The following EPHA3 variants were observed in gnomAD, a reference collection of about 807,000 sequenced individuals.
EPHA3 encodes ephrin type-A receptor 3.
EPHA3 carries 42 observed loss-of-function variants against 107.1 expected under a neutral mutation model. The observed-to-expected ratio is 0.39, with a 90% confidence interval of 0.31 to 0.51. The LOEUF (loss-of-function observed/expected upper bound fraction) is 0.51, where lower values mean the gene tolerates loss of function less well. Among genes scored for constraint, EPHA3 ranks in the 20% least tolerant of loss-of-function variants. The pLI, the probability that EPHA3 is intolerant of heterozygous loss-of-function variation, is 0.78. For missense variants in EPHA3, 1,183 were observed against 1,211.2 expected, an observed-to-expected ratio of 0.98 and a Z score of 0.35; for synonymous variants, 461 against 424.8, an observed-to-expected ratio of 1.09 and a Z score of -1.05.
At chr3:89,179,666 G>GT (rs1014748746) in intron 2 of EPHA3, among the ~76,000 whole-genome samples, 4 of 52,172 alleles carry the variant, frequency 7.7e-5, no homozygotes, top group Non-Finnish European at 1.8e-4. Context: ...TTTAAAGTCT[G>GT]TAAAAAAAAA....
intron 4 of EPHA3, 107 bp downstream of exon 4, chr3:89,341,178 C>A (rs1164097898): frequency 1.7e-6 from 2 of 1,207,574 alleles, no homozygotes; most frequent in Non-Finnish European, 2.3e-6. Flanking sequence ...CCTTCTGTTG[C>A]CCGTGTGCAA....
intron 16 of EPHA3, among the ~76,000 whole-genome samples, chr3:89,475,144 G>T (rs533813338): frequency 6.6e-5 from 10 of 152,250 alleles, no homozygotes; most frequent in Non-Finnish European, 7.4e-5. Context: ...TACAAAAAGA[G>T]AATTTATTAA....
chr3:89,171,127 G>A (rs1261537575), intron 2 of EPHA3, among the ~76,000 whole-genome samples: 9 of 151,962 alleles, frequency 5.9e-5, no homozygotes, highest in Non-Finnish European at 1.3e-4. Flanking sequence ...ATTTATCAAC[G>A]TTGTTTCAAA....
chr3:89,365,483 A>G (rs1260037103), intron 5 of EPHA3, among the ~76,000 whole-genome samples: 1 of 150,698 alleles, frequency 6.6e-6, no homozygotes, highest in African/African-American at 2.4e-5. Flanking sequence ...GATACAACAT[A>G]GCTTTTCACC....
rs745973705 is a variant in EPHA3 at position 89,408,096 on chromosome 3, C to T, written c.1727C>T (p.Ala576Val). 2 of 1,612,812 alleles carry T rather than the reference C, an allele frequency of 1.2e-6. No homozygotes were observed. The highest frequency in any genetic ancestry group is 1.7e-6 in the Non-Finnish European group (2 of 1,179,108). The change falls in exon 9 of 17, where the codon GCA becomes GTA. Residue 576 changes from alanine (A) to valine (V), a missense_variant. Ala to Val is a moderately conservative substitution (Grantham distance 64, BLOSUM62 0). Transcript: ENST00000336596. ...TGTGGCTATAAGTCAAAACATGGGG[C>T]AGATGAAAAAAGACTTCATTTTGGC... Reference protein sequence around the residue: ...RFCGYKSKHGADEKRLHFGNG... With the variant: ...RFCGYKSKHGVDEKRLHFGNG...
intron 2 of EPHA3, among the ~76,000 whole-genome samples, chr3:89,129,531 T>G (rs1349875757): frequency 6.6e-6 from 1 of 151,578 alleles, no homozygotes; most frequent in East Asian, 1.9e-4. Context: ...TTCCTTTAAA[T>G]TTCCCACATA....
At chr3:89,175,062 T>C (rs536126496) in intron 2 of EPHA3, among the ~76,000 whole-genome samples, 16 of 150,248 alleles carry the variant, frequency 1.1e-4, no homozygotes, top group Admixed American at 6.6e-4. Context: ...AGAAAAAAAG[T>C]GATAGCATTT....
intron 12 of EPHA3, among the ~76,000 whole-genome samples, chr3:89,430,223 G>A (rs1447056705): frequency 6.6e-6 from 1 of 152,100 alleles, no homozygotes; most frequent in Non-Finnish European, 1.5e-5. Context: ...TCCTCAAGGT[G>A]CTTTTGTTGC....
intron 5 of EPHA3, among the ~76,000 whole-genome samples, chr3:89,373,236 T>C (rs906053689): frequency 6.6e-6 from 1 of 151,684 alleles, no homozygotes; most frequent in Non-Finnish European, 1.5e-5. Context: ...TTTTTTCTTG[T>C]TGTTTTTTGT....
At chr3:89,406,452 C>T (rs1709056954) in intron 7 of EPHA3, among the ~76,000 whole-genome samples, 1 of 152,058 alleles carries the variant, frequency 6.6e-6, no homozygotes, top group African/African-American at 2.4e-5. Context: ...AGGCTTTGTG[C>T]ACATCATTCT....
intron 2 of EPHA3, among the ~76,000 whole-genome samples, chr3:89,206,653 T>G (rs1423636875): frequency 1.3e-5 from 2 of 152,182 alleles, no homozygotes. Flanking sequence ...GTCTGTTGAC[T>G]GTTTTTTTAT....
intron 2 of EPHA3, among the ~76,000 whole-genome samples, chr3:89,173,509 A>C (rs1303006148): frequency 6.6e-6 from 1 of 152,062 alleles, no homozygotes; most frequent in Non-Finnish European, 1.5e-5. Context: ...CATATTACTT[A>C]GTTCAATATC....
intron 2 of EPHA3, among the ~76,000 whole-genome samples, chr3:89,177,921 C>T (rs1359202223): frequency 6.6e-6 from 1 of 152,066 alleles, no homozygotes; most frequent in East Asian, 1.9e-4. Flanking sequence ...TTACTACACT[C>T]AGAATTTTCC....
intron 3 of EPHA3, among the ~76,000 whole-genome samples, chr3:89,240,091 A>C (rs909386468): frequency 6.6e-6 from 1 of 152,206 alleles, no homozygotes; most frequent in South Asian, 2.1e-4. Flanking sequence ...GGGCCAAAGC[A>C]GGGGCTGTTC....
intron 7 of EPHA3, among the ~76,000 whole-genome samples, chr3:89,403,579 A>G (rs1213673982): frequency 6.6e-6 from 1 of 152,208 alleles, no homozygotes; most frequent in Non-Finnish European, 1.5e-5. Context: ...GGTAGCTTCC[A>G]CCAATACAAG....
At chr3:89,337,039 G>A (rs1189347862) in intron 3 of EPHA3, among the ~76,000 whole-genome samples, 1 of 147,604 alleles carries the variant, frequency 6.8e-6, no homozygotes, top group Admixed American at 6.8e-5. Flanking sequence ...AGTAGGGTGA[G>A]AAGAGCAAGA....
chr3:89,162,433 T>C (rs1327248153), intron 2 of EPHA3, among the ~76,000 whole-genome samples: 2 of 152,196 alleles, frequency 1.3e-5, no homozygotes, highest in Non-Finnish European at 2.9e-5. Flanking sequence ...CAGAATTTGT[T>C]CTTTGAGGAT....
At chr3:89,326,377 G>T (rs1707166612) in intron 3 of EPHA3, among the ~76,000 whole-genome samples, 1 of 152,064 alleles carries the variant, frequency 6.6e-6, no homozygotes, top group African/African-American at 2.4e-5. Context: ...ATCTGTACAT[G>T]TTCAATACAA....
At position 89,307,320 on chromosome 3, in the gene EPHA3, G is replaced by A. The variant is rs142494235; in HGVS notation, c.815-33596G>A. ...TTCAAGCGCAGAGTCTTGGCTAAAA[G>A]GATTGAGTTGCTAAACCTAATAAGG... On this transcript the variant is annotated intron_variant, in intron 3 of 16. Transcript: ENST00000336596. Among the ~76,000 whole-genome samples, 4 of 152,204 alleles carry A rather than the reference G, an allele frequency of 2.6e-5. No homozygotes were observed. In the East Asian group the frequency reaches 7.7e-4, roughly 29 times the overall value.
Sources: gnomAD v4.1 joint callset for allele counts (sites outside exome capture counted in the v4.1 genomes callset) on GRCh38, gnomAD v4.1.1 for gene constraint, MANE v1.5 for transcripts, NCBI Gene and HGNC (gene_info 2026-07-23, HGNC 2026-07-21) for gene names.